SNX24: variants seen among roughly 807,000 people sequenced by gnomAD.
SNX24 encodes sorting nexin 24.
A neutral mutation model predicts 28.7 loss-of-function variants in SNX24; 22 were observed. That is an observed-to-expected ratio of 0.77 (90% CI 0.55 to 1.10). SNX24 has a LOEUF of 1.10. Among genes scored for constraint, SNX24 ranks in the 50% least tolerant of loss-of-function variants. The probability of loss-of-function intolerance (pLI) is 0.00; values close to 1 mark genes in which losing one functional copy is unlikely to be tolerated. For missense variants in SNX24, 221 were observed against 201.1 expected, an observed-to-expected ratio of 1.10 and a Z score of -0.60; for synonymous variants, 69 against 71.5, an observed-to-expected ratio of 0.96 and a Z score of 0.18.
intron 3 of SNX24, among the ~76,000 whole-genome samples, chr5:122,981,344 A>G (rs943775284): frequency 2.6e-5 from 4 of 152,246 alleles, no homozygotes; most frequent in African/African-American, 9.6e-5. Context: ...AGCATCTTCT[A>G]GTATTTAGCC....
At chr5:122,864,274 G>GCC (rs1656768927) in intron 1 of SNX24, among the ~76,000 whole-genome samples, 1 of 152,172 alleles carries the variant, frequency 6.6e-6, no homozygotes, top group Non-Finnish European at 1.5e-5. Context: ...ATAGCTCTTG[G>GCC]TGATTGAGGC....
At chr5:123,015,314 C>T (rs1046943177) in intron 5 of SNX24, among the ~76,000 whole-genome samples, 8 of 152,196 alleles carry the variant, frequency 5.3e-5, no homozygotes, top group African/African-American at 1.9e-4. Flanking sequence ...ACCTTGAAAT[C>T]AAGATTGGCT....
chr5:122,856,003 A>C (rs79904674), intron 1 of SNX24, among the ~76,000 whole-genome samples: 1,856 of 152,218 alleles, frequency 0.012, 14 homozygotes, highest in Non-Finnish European at 0.021. Flanking sequence ...GTACATGTGC[A>C]GGTTTGTTAT....
intron 1 of SNX24, among the ~76,000 whole-genome samples, chr5:122,872,319 A>G (rs1028460574): frequency 5.9e-5 from 9 of 151,980 alleles, no homozygotes; most frequent in Non-Finnish European, 1.3e-4. Flanking sequence ...ATTAACAGCT[A>G]TTTATTGATC....
chr5:122,923,559 T>C (rs1189543963), intron 1 of SNX24, among the ~76,000 whole-genome samples: 1 of 152,162 alleles, frequency 6.6e-6, no homozygotes, highest in East Asian at 1.9e-4. Context: ...TTAATTGTAG[T>C]AGACTTTACG....
chr5:122,848,124 C>G (rs1561497215), intron 1 of SNX24, among the ~76,000 whole-genome samples: 1 of 151,740 alleles, frequency 6.6e-6, no homozygotes, highest in African/African-American at 2.4e-5. Context: ...TTTTTAAGAG[C>G]TAGGATCTTG....
intron 1 of SNX24, among the ~76,000 whole-genome samples, chr5:122,909,934 A>C (rs978147072): frequency 6.6e-6 from 1 of 152,216 alleles, no homozygotes; most frequent in African/African-American, 2.4e-5. Context: ...TAATGGAATA[A>C]TTCTTTCTAG....
chr5:122,965,188 G>T (rs1310081897), intron 3 of SNX24, among the ~76,000 whole-genome samples: 1 of 152,160 alleles, frequency 6.6e-6, no homozygotes, highest in Non-Finnish European at 1.5e-5. Context: ...TCCCAAGCCT[G>T]GTTAATTATG....
At chr5:123,023,903 G>A (rs1459263781) in intron 5 of SNX24, 1 of 1,613,168 alleles carries the variant, frequency 6.2e-7, no homozygotes. Context: ...AACCACAAAA[G>A]GCGTTTTCAC....
intron 1 of SNX24, among the ~76,000 whole-genome samples, chr5:122,920,556 A>G (rs1355820308): frequency 1.3e-5 from 2 of 152,242 alleles, no homozygotes; most frequent in Non-Finnish European, 2.9e-5. Flanking sequence ...GGAGTTGCAG[A>G]GCAATATACA....
intron 1 of SNX24, among the ~76,000 whole-genome samples, chr5:122,903,374 G>A (rs1421772100): frequency 1.3e-5 from 2 of 152,128 alleles, no homozygotes; most frequent in African/African-American, 4.8e-5. Flanking sequence ...GCCTTTCAAG[G>A]TGTTAGGATT....
chr5:122,926,562 A>G (rs371131481), intron 1 of SNX24, among the ~76,000 whole-genome samples: 1 of 152,326 alleles, frequency 6.6e-6, no homozygotes, highest in African/African-American at 2.4e-5. Context: ...CTTGTCTAGT[A>G]TTAGAGTCAA....
intron 1 of SNX24, among the ~76,000 whole-genome samples, chr5:122,913,388 G>A (rs532449920): frequency 6.0e-5 from 9 of 150,734 alleles, no homozygotes; most frequent in Admixed American, 2.0e-4. Context: ...CTGGCTGGGC[G>A]GGTGGCTGAC....
intron 3 of SNX24, among the ~76,000 whole-genome samples, chr5:122,953,811 T>A (rs1373890376): frequency 1.3e-5 from 2 of 152,200 alleles, no homozygotes; most frequent in African/African-American, 4.8e-5. Flanking sequence ...AGTAATTAAA[T>A]GTATAGTTAG....
chr5:122,904,810 T>G (rs1161827593), intron 1 of SNX24, among the ~76,000 whole-genome samples: 2 of 152,272 alleles, frequency 1.3e-5, no homozygotes, highest in East Asian at 3.9e-4. Context: ...TCTTTTGGCT[T>G]TCACTTAAAC....
At chr5:123,025,769 A>G (rs1762841844) in intron 5 of SNX24, 6 of 1,607,900 alleles carry the variant, frequency 3.7e-6, no homozygotes, top group Non-Finnish European at 5.1e-6. Context: ...AAAGGAAAAA[A>G]ATGTATCAAT....
intron 1 of SNX24, among the ~76,000 whole-genome samples, chr5:122,892,750 TATTA>T (rs577597022): frequency 7.7e-4 from 115 of 149,840 alleles, no homozygotes; most frequent in Middle Eastern, 3.5e-3. Context: ...TTTCCTTTAT[TATTA>T]ATTAATTAAT....
At chr5:122,948,851 G>T (rs1759809340) in intron 3 of SNX24, among the ~76,000 whole-genome samples, 1 of 152,134 alleles carries the variant, frequency 6.6e-6, no homozygotes, top group African/African-American at 2.4e-5. Context: ...TAAGTCAGGA[G>T]AAATTTTTCA....
intron 4 of SNX24, 75 bp downstream of exon 4, chr5:123,000,081 C>T: frequency 2.0e-6 from 2 of 1,004,088 alleles, no homozygotes; most frequent in Non-Finnish European, 3.1e-6. Flanking sequence ...ACAAATAGCC[C>T]AGAGTGATGC....
Sources: allele counts gnomAD v4.1 joint callset (sites outside exome capture counted in the v4.1 genomes callset), GRCh38; gene constraint gnomAD v4.1.1; transcripts MANE v1.5; gene names NCBI Gene and HGNC (gene_info 2026-07-23, HGNC 2026-07-21).